IGSF10: variants seen among roughly 807,000 people sequenced by gnomAD.
The protein encoded by IGSF10 is calvaria mechanical force protein 608.
Under a neutral mutation model 128.2 loss-of-function variants are expected in IGSF10, and 126 were observed. That is an observed-to-expected ratio of 0.98 (90% CI 0.85 to 1.14). The LOEUF is 1.14. Among genes scored for constraint, IGSF10 ranks in the 50% most tolerant of loss-of-function variants. The pLI is 0.00. For synonymous variants in IGSF10, 1,185 were observed against 1,146.2 expected (o/e 1.03, Z -0.68); for missense variants, 3,295 against 3,149.8 (o/e 1.05, Z -1.10).
Position 151,447,487 on chromosome 3 carries a change from G to A in IGSF10, c.2494C>T (p.Pro832Ser), listed in dbSNP as rs1721265288. 6.2e-7 allele frequency: 1 copy of A among 1,614,084 alleles called. No homozygotes were observed. The highest frequency in any genetic ancestry group is 8.5e-7 in the Non-Finnish European group (1 of 1,179,960). ...TADSRTISDS[P>S]MTNINYGTEF... is the part of the protein sequence containing the mutation. Reference sequence around the variant, plus strand: ...GTGCCATAATTTATGTTTGTCATAGGACTATCAGATATTGTTCTGGAGTCA... The same window carrying A: ...GTGCCATAATTTATGTTTGTCATAGAACTATCAGATATTGTTCTGGAGTCA... Residue 832 changes from proline to serine, a missense_variant, in exon 6 of 8, where the codon CCT becomes TCT. Physicochemically the swap from Pro to Ser is moderately conservative, Grantham distance 74 (BLOSUM62 -1). Coordinates refer to ENST00000282466, the MANE Select transcript of IGSF10 (RefSeq NM_178822.5).
chr3:151,597,635 G>C, the IGSF10 span, among the ~76,000 whole-genome samples: 9 of 152,208 alleles, frequency 5.9e-5, no homozygotes, highest in African/African-American at 2.2e-4. Context: ...ACACAACACA[G>C]GCTGCTTGAG....
At chr3:151,553,547 T>A in the IGSF10 span, among the ~76,000 whole-genome samples, 1 of 151,902 alleles carries the variant, frequency 6.6e-6, no homozygotes, top group African/African-American at 2.4e-5. Context: ...TTCTTAAAAC[T>A]AGTTTAAATT....
chr3:151,435,548 G>GTAAT (rs1284731298), downstream of IGSF10: 2 of 152,198 alleles, frequency 1.3e-5, no homozygotes, highest in East Asian at 1.9e-4. Flanking sequence ...TAACTTATTA[G>GTAAT]TAATTCTCGG....
At chr3:151,512,710 C>A in the IGSF10 span, among the ~76,000 whole-genome samples, 1 of 152,044 alleles carries the variant, frequency 6.6e-6, no homozygotes, top group Non-Finnish European at 1.5e-5. Flanking sequence ...AATTGATAGA[C>A]TGCTAGCAAG....
chr3:151,614,874 G>T, the IGSF10 span, among the ~76,000 whole-genome samples: 1 of 149,128 alleles, frequency 6.7e-6, no homozygotes, highest in African/African-American at 2.5e-5. Flanking sequence ...GGAATTGGAA[G>T]TGAGGTAACA....
chr3:151,571,962 C>T, the IGSF10 span, among the ~76,000 whole-genome samples: 1 of 152,180 alleles, frequency 6.6e-6, no homozygotes, highest in Non-Finnish European at 1.5e-5. Flanking sequence ...GCCTTTTCTG[C>T]ATCTATTGAG....
chr3:151,453,618 C>T lies in IGSF10; in HGVS notation c.481G>A (p.Glu161Lys), dbSNP rs114161831. The T allele has an allele frequency of 9.1e-3, 14,697 of 1,614,000 alleles. 144 individuals carry two copies. The highest frequency in any genetic ancestry group is 0.046 in the Admixed American group (2,755 of 60,018). Residue 161 changes from glutamate to lysine, a missense_variant, in exon 5 of 8, where the codon GAA becomes AAA. By Grantham distance (56) the Glu-to-Lys change is moderately conservative. Coordinates refer to ENST00000282466, the MANE Select transcript of IGSF10 (RefSeq NM_178822.5). Reference sequence around the variant, plus strand: ...TGGAGCTTAGTGAGCTGATTTCCTTCCAAGTGCACCAGGCGGAGAAAGTTG... The same window carrying T: ...TGGAGCTTAGTGAGCTGATTTCCTTTCAAGTGCACCAGGCGGAGAAAGTTG... ...GLNFLRLVHL[E>K]GNQLTKLHPD...
At chr3:151,526,182 C>A in the IGSF10 span, among the ~76,000 whole-genome samples, 1 of 152,174 alleles carries the variant, frequency 6.6e-6, no homozygotes, top group Non-Finnish European at 1.5e-5. Context: ...GATTGGGAAA[C>A]AGAGTGAAGG....
intron 7 of IGSF10, among the ~76,000 whole-genome samples, chr3:151,441,877 T>G (rs62284460): frequency 3.3e-5 from 5 of 152,202 alleles, no homozygotes; most frequent in South Asian, 4.1e-4. Context: ...CTGGCTAACA[T>G]GGTGAAACTC....
chr3:151,443,916 G>T (rs1442113621), intron 6 of IGSF10, 32 bp from the exon 7 acceptor site: 8 of 1,489,338 alleles, frequency 5.4e-6, no homozygotes, highest in Non-Finnish European at 7.3e-6. Context: ...TATTGCTACG[G>T]GTCATCAAAG....
At chr3:151,584,287 G>A in the IGSF10 span, among the ~76,000 whole-genome samples, 8 of 152,164 alleles carry the variant, frequency 5.3e-5, no homozygotes, top group East Asian at 9.6e-4. Context: ...CTTGGCATTT[G>A]CATAGTACAT....
At chr3:151,602,482 A>T in the IGSF10 span, among the ~76,000 whole-genome samples, 1 of 152,162 alleles carries the variant, frequency 6.6e-6, no homozygotes, top group South Asian at 2.1e-4. Flanking sequence ...CTTAGACAAT[A>T]GTGACATGGT....
chr3:151,456,941 G>A lies in IGSF10; in HGVS notation c.324+85C>T. The A allele has an allele frequency of 1.5e-6, 2 of 1,338,302 alleles. 1 individual carries two copies. The highest frequency in any genetic ancestry group is 2.5e-5 in the South Asian group (2 of 80,286). The allele number at this position is 1,338,302 out of a possible 1,614,324, so 82.9% of individuals were successfully genotyped here. A position where few individuals can be genotyped will look rare whatever the true frequency, so the allele number is the denominator to read the frequency against. Reference sequence around the variant, plus strand: ...TTTACAGAATGTTGATTTTCGTATTGTGTAGAGATAGGCAGCCTTTGAAGG... The same window carrying A: ...TTTACAGAATGTTGATTTTCGTATTATGTAGAGATAGGCAGCCTTTGAAGG... On this transcript the variant is annotated intron_variant, in intron 4 of 7. Coordinates refer to ENST00000282466, the MANE Select transcript of IGSF10 (RefSeq NM_178822.5).
chr3:151,465,856 C>T (rs557507595), upstream of IGSF10, among the ~76,000 whole-genome samples: 6 of 152,278 alleles, frequency 3.9e-5, no homozygotes, highest in South Asian at 8.3e-4. Flanking sequence ...GAAAACCTAA[C>T]TTAGGAATAT....
chr3:151,532,061 G>T, the IGSF10 span, among the ~76,000 whole-genome samples: 7 of 152,056 alleles, frequency 4.6e-5, no homozygotes, highest in Admixed American at 2.6e-4. Context: ...TCTATGCAAA[G>T]AAACCAGAAA....
At chr3:151,508,349 TATAAAA>T in the IGSF10 span, among the ~76,000 whole-genome samples, 10 of 152,268 alleles carry the variant, frequency 6.6e-5, no homozygotes, top group East Asian at 1.9e-3. Context: ...AATACACTAA[TATAAAA>T]ATAAAATTTG....
the IGSF10 span, among the ~76,000 whole-genome samples, chr3:151,486,130 A>T: frequency 6.6e-6 from 1 of 152,128 alleles, no homozygotes; most frequent in Non-Finnish European, 1.5e-5. Context: ...ATGGAAAGCA[A>T]AAAACAAAAC....
rs768415188 is a variant in IGSF10, at chr3:151,437,414, G to T, written c.7147C>A (p.Pro2383Thr). ...LPNGTRFSNG[P>T]QSYQYLIASN... The stretch of plus-strand genomic sequence containing the variant: ...GCTATCAGATACTGATAACTTTGTG[G>T]TCCATTGGAAAATCGTGTGCCATTT... Residue 2383 changes from proline (P) to threonine (T), a missense_variant, in exon 8 of 8, where the codon CCA becomes ACA. Pro to Thr is a conservative substitution (Grantham distance 38). Coordinates refer to ENST00000282466, the MANE Select transcript of IGSF10 (RefSeq NM_178822.5). 9.3e-6 allele frequency: 15 copies of T among 1,614,026 alleles called. No individual in the cohort carries two copies. The highest frequency in any genetic ancestry group is 1.3e-5 in the African/African-American group (1 of 74,916).
chr3:151,514,795 A>C, the IGSF10 span, among the ~76,000 whole-genome samples: 6 of 152,142 alleles, frequency 3.9e-5, no homozygotes, highest in Non-Finnish European at 8.8e-5. Flanking sequence ...ACCCCATCAA[A>C]AAGTGGGCAA....
Sources: gnomAD v4.1 joint callset for allele counts (sites outside exome capture counted in the v4.1 genomes callset) on GRCh38, gnomAD v4.1.1 for gene constraint, MANE v1.5 for transcripts, NCBI Gene and HGNC (gene_info 2026-07-23, HGNC 2026-07-21) for gene names.